The following VAV3 variants were observed in gnomAD, a reference collection of about 807,000 sequenced individuals.
VAV3 encodes guanine nucleotide exchange factor VAV3.
In VAV3, 94 loss-of-function variants were observed where a neutral mutation model predicts 131.2. The ratio of observed to expected loss-of-function variants is 0.72; its 90% CI spans 0.61 to 0.85. The LOEUF (loss-of-function observed/expected upper bound fraction) is 0.85, where lower values mean the gene tolerates loss of function less well. Ranked by LOEUF, VAV3 falls within the 40% of genes least tolerant of loss-of-function variation. The pLI is 0.00. For synonymous variants in VAV3, 349 were observed against 342.0 expected, an observed-to-expected ratio of 1.02 and a Z score of -0.22; for missense variants, 939 against 1,002.7, an observed-to-expected ratio of 0.94 and a Z score of 0.86.
chr1:107,898,739 A>G (rs1211977347), intron 1 of VAV3, among the ~76,000 whole-genome samples: 1 of 152,226 alleles, frequency 6.6e-6, no homozygotes, highest in Non-Finnish European at 1.5e-5. Context: ...CTGAAAACAC[A>G]TATCCCATAA....
intron 2 of VAV3, among the ~76,000 whole-genome samples, chr1:107,819,793 T>A (rs1383086920): frequency 3.3e-5 from 5 of 152,196 alleles, no homozygotes; most frequent in Non-Finnish European, 5.9e-5. Context: ...TAACAGTTGT[T>A]ATAAATAACA....
At chr1:107,593,698 A>C (rs1651146808) in intron 25 of VAV3, among the ~76,000 whole-genome samples, 1 of 152,108 alleles carries the variant, frequency 6.6e-6, no homozygotes, top group South Asian at 2.1e-4. Context: ...AAAATGCATA[A>C]AAATAGAAGC....
intron 15 of VAV3, among the ~76,000 whole-genome samples, chr1:107,720,453 TAAA>T (rs11333111): frequency 2.3e-5 from 3 of 129,776 alleles, no homozygotes; most frequent in Non-Finnish European, 4.8e-5. Flanking sequence ...TTAATATTGC[TAAA>T]AAAAAAAAAA....
At chr1:107,810,846 A>C (rs1261236311) in intron 2 of VAV3, among the ~76,000 whole-genome samples, 1 of 152,206 alleles carries the variant, frequency 6.6e-6, no homozygotes, top group Non-Finnish European at 1.5e-5. Context: ...ACGCGACAGG[A>C]CCAGTTGTAA....
intron 19 of VAV3, among the ~76,000 whole-genome samples, chr1:107,673,904 T>C (rs1039431929): frequency 1.3e-5 from 2 of 152,218 alleles, no homozygotes; most frequent in Non-Finnish European, 2.9e-5. Context: ...CTTCCTTATA[T>C]TTTCCGAATA....
chr1:107,948,631 G>T (rs2101322444), intron 1 of VAV3, among the ~76,000 whole-genome samples: 1 of 152,294 alleles, frequency 6.6e-6, no homozygotes, highest in East Asian at 1.9e-4. Context: ...ATCACCTGAG[G>T]TCAGCAGTTC....
chr1:107,949,129 GC>G (rs1260928356), intron 1 of VAV3, among the ~76,000 whole-genome samples: 6 of 152,250 alleles, frequency 3.9e-5, no homozygotes, highest in African/African-American at 1.4e-4. Flanking sequence ...TTAATTAAAA[GC>G]CCTTAGGCTC....
intron 2 of VAV3, among the ~76,000 whole-genome samples, chr1:107,818,270 C>T (rs575248125): frequency 4.6e-5 from 7 of 152,188 alleles, no homozygotes; most frequent in East Asian, 1.9e-4. Context: ...GCAGTCTCCA[C>T]GGGCCCAATA....
At chr1:107,689,576 G>A (rs1354698568) in intron 17 of VAV3, among the ~76,000 whole-genome samples, 2 of 151,420 alleles carry the variant, frequency 1.3e-5, no homozygotes, top group Non-Finnish European at 2.9e-5. Flanking sequence ...AAGATCCATG[G>A]GCAGAAAGTC....
chr1:107,720,659 C>T (rs1381796703), intron 15 of VAV3, among the ~76,000 whole-genome samples: 1 of 152,126 alleles, frequency 6.6e-6, no homozygotes, highest in African/African-American at 2.4e-5. Context: ...GCCTGCACAA[C>T]AAGAGCAAAA....
chr1:107,650,712 TC>T (rs1244446764), intron 19 of VAV3, among the ~76,000 whole-genome samples: 1 of 49,424 alleles, frequency 2.0e-5, no homozygotes, highest in African/African-American at 9.3e-5. Flanking sequence ...CTCCCCCCCC[TC>T]CCCCCACCCC....
chr1:107,718,470 G>T (rs1661262700), intron 15 of VAV3, among the ~76,000 whole-genome samples: 1 of 152,078 alleles, frequency 6.6e-6, no homozygotes, highest in Non-Finnish European at 1.5e-5. Context: ...GCTACAAAGA[G>T]AATAAAATAC....
intron 2 of VAV3, among the ~76,000 whole-genome samples, chr1:107,829,956 T>G (rs1344376097): frequency 6.6e-6 from 1 of 152,194 alleles, no homozygotes; most frequent in African/African-American, 2.4e-5. Flanking sequence ...TTTTATTTCA[T>G]TTAAAGAACT....
intron 19 of VAV3, among the ~76,000 whole-genome samples, chr1:107,670,920 C>G (rs1326594258): frequency 6.6e-6 from 1 of 152,090 alleles, no homozygotes; most frequent in Non-Finnish European, 1.5e-5. Context: ...GTTGCCATTT[C>G]GTTTTCTCAA....
chr1:107,685,821 T>C (rs865893528), intron 18 of VAV3: 5 of 151,928 alleles, frequency 3.3e-5, no homozygotes, highest in African/African-American at 1.2e-4. Context: ...TCTATGCGTA[T>C]ACTCCCCTCC....
intron 2 of VAV3, among the ~76,000 whole-genome samples, chr1:107,865,276 C>G (rs191766119): frequency 6.6e-6 from 1 of 152,210 alleles, no homozygotes; most frequent in East Asian, 1.9e-4. Flanking sequence ...CCAGTTGAAA[C>G]TGAGGGAATG....
intron 19 of VAV3, among the ~76,000 whole-genome samples, chr1:107,643,008 G>A (rs1655468274): frequency 6.6e-6 from 1 of 151,784 alleles, no homozygotes; most frequent in Non-Finnish European, 1.5e-5. Context: ...CTCTTTTTTA[G>A]TTGAAAAAAT....
intron 23 of VAV3, among the ~76,000 whole-genome samples, chr1:107,602,698 G>T (rs1401172470): frequency 6.6e-6 from 1 of 151,946 alleles, no homozygotes; most frequent in Non-Finnish European, 1.5e-5. Context: ...AGGGAGGTTG[G>T]ATTTGACTAT....
At chr1:107,941,182 C>T (rs958969794) in intron 1 of VAV3, among the ~76,000 whole-genome samples, 1 of 152,072 alleles carries the variant, frequency 6.6e-6, no homozygotes, top group African/African-American at 2.4e-5. Flanking sequence ...CCCTCCAGGC[C>T]CTATTTGTAG....
Sources: gnomAD v4.1 joint callset for allele counts (sites outside exome capture counted in the v4.1 genomes callset) on GRCh38, gnomAD v4.1.1 for gene constraint, MANE v1.5 for transcripts, NCBI Gene and HGNC (gene_info 2026-07-23, HGNC 2026-07-21) for gene names.